The following ATR variants were observed in gnomAD, a reference collection of about 807,000 sequenced individuals.
ATR encodes the protein ATR checkpoint kinase, also known as serine/threonine-protein kinase ATR.
ATR carries 142 observed loss-of-function variants against 305.3 expected under a neutral mutation model. That is an observed-to-expected ratio of 0.47 (90% CI 0.41 to 0.53). ATR has a LOEUF of 0.53. Ranked by LOEUF, ATR falls within the 20% of genes least tolerant of loss-of-function variation. ATR has a pLI of 0.00. For missense variants in ATR, 2,135 were observed against 3,133.1 expected (o/e 0.68, Z 7.60); for synonymous variants, 1,050 against 1,068.1 (o/e 0.98, Z 0.33).
chr3:142,541,148 T>A, intron 17 of ATR, 114 bp from the exon 18 acceptor site: 1 of 1,327,486 alleles, frequency 7.5e-7, no homozygotes, highest in Non-Finnish European at 1.1e-6. Context: ...TATTCTCAGA[T>A]AATACAAAAG....
rs2108485383 is a variant in ATR, at chr3:142,561,397, C to A, written c.1195G>T (p.Ala399Ser). 6.2e-7 allele frequency: 1 copy of A among 1,613,994 alleles called. No homozygotes were observed. The highest frequency in any genetic ancestry group is 2.2e-5 in the East Asian group (1 of 44,870). Residue 399 changes from alanine (A) to serine (S), a missense_variant, in exon 5 of 47, where the codon GCT (alanine) becomes TCT (serine). By Grantham distance (99) the Ala-to-Ser change is moderately conservative. Coordinates refer to ENST00000350721, the MANE Select transcript of ATR (RefSeq NM_001184.4). ...ATTTCCATACTTTCCATTTTCAAAG[C>A]TGCATAAAGTGGGCCCAACAAGTAC... ...AEYLLGPLYAALKMESMEIIE... is the reference protein window; with the variant it reads ...AEYLLGPLYASLKMESMEIIE...
chr3:142,478,561 A>T (rs1454083143), intron 36 of ATR, among the ~76,000 whole-genome samples: 1 of 152,180 alleles, frequency 6.6e-6, no homozygotes, highest in Non-Finnish European at 1.5e-5. Flanking sequence ...AAGAATGTAT[A>T]TTCTGTTGAT....
At chr3:142,549,782 C>G in intron 14 of ATR, 109 bp from the exon 15 acceptor site, 2 of 950,854 alleles carry the variant, frequency 2.1e-6, no homozygotes, top group Non-Finnish European at 3.2e-6. Context: ...ATTTGGAGTC[C>G]ACTCCATACT....
In ATR at chr3:142,453,164, C is replaced by T. The variant is rs587783340; in HGVS notation, c.7725G>A (p.Ala2575=). The T allele has an allele frequency of 1.9e-5, 31 of 1,613,924 alleles. No individual in the cohort carries two copies. The highest frequency in any genetic ancestry group is 3.3e-4 in the Middle Eastern group (2 of 6,082). The stretch of plus-strand genomic sequence containing the variant: ...CAACTTCTCCAGTTTCATTCAGTGG[C>T]GCTTTGGAATGCCCTTTCACTGGTT... The part of the protein sequence containing the change: ...WSKPVKGHSK[A]PLNETGEVVN... The change falls in exon 46 of 47, where the codon GCG becomes GCA. Residue 2575 remains alanine, a synonymous_variant. Transcript: ENST00000350721.
intron 29 of ATR, among the ~76,000 whole-genome samples, chr3:142,504,040 A>G (rs758601854): frequency 2.6e-4 from 39 of 152,240 alleles, no homozygotes; most frequent in Non-Finnish European, 4.7e-4. Flanking sequence ...AATGAAAAGA[A>G]GATTGTGAAA....
At chr3:142,483,812 G>A (rs901620574) in intron 36 of ATR, among the ~76,000 whole-genome samples, 5 of 151,540 alleles carry the variant, frequency 3.3e-5, no homozygotes, top group East Asian at 1.9e-4. Flanking sequence ...CAGCCTGGGC[G>A]ACAGAGCAAG....
At chr3:142,486,347 G>C (rs2030923215) in intron 35 of ATR, among the ~76,000 whole-genome samples, 1 of 152,092 alleles carries the variant, frequency 6.6e-6, no homozygotes, top group Admixed American at 6.6e-5. Context: ...GCACATGCTA[G>C]GTTCATGTAC....
intron 38 of ATR, 120 bp downstream of exon 38, chr3:142,469,217 T>C: frequency 2.9e-6 from 2 of 689,566 alleles, no homozygotes; most frequent in East Asian, 5.7e-5. Flanking sequence ...TATTTAAAAT[T>C]ACTAATCTAA....
At chr3:142,526,432 G>A (rs915310917) in intron 21 of ATR, among the ~76,000 whole-genome samples, 2 of 151,668 alleles carry the variant, frequency 1.3e-5, no homozygotes, top group South Asian at 2.1e-4. Flanking sequence ...CCAAGTGAAC[G>A]CTAAATAGTG....
At chr3:142,483,967 G>T (rs1341189675) in intron 36 of ATR, among the ~76,000 whole-genome samples, 1 of 152,088 alleles carries the variant, frequency 6.6e-6, no homozygotes, top group African/African-American at 2.4e-5. Context: ...GAATGAGAAG[G>T]ATACTTAATT....
intron 46 of ATR, chr3:142,451,169 A>G (rs2108245902): frequency 8.3e-7 from 1 of 1,205,560 alleles, no homozygotes; most frequent in Non-Finnish European, 1.0e-6. Flanking sequence ...GGAATCTTCC[A>G]AAGAAAACTT....
At chr3:142,451,261 G>T (rs2070783877) in intron 46 of ATR, 9 of 1,206,402 alleles carry the variant, frequency 7.5e-6, no homozygotes, top group Non-Finnish European at 8.4e-6. Flanking sequence ...TGTGGGACTG[G>T]CTAGCTGAGA....
At chr3:142,509,416 G>T (rs1228312934) in intron 27 of ATR, among the ~76,000 whole-genome samples, 1 of 151,824 alleles carries the variant, frequency 6.6e-6, no homozygotes. Context: ...CTCCTGCCTC[G>T]GCCTCCCAAA....
At chr3:142,508,855 C>T (rs139948640) in intron 27 of ATR, among the ~76,000 whole-genome samples, 2,674 of 143,588 alleles carry the variant, frequency 0.019, 28 homozygotes, top group South Asian at 0.042. Context: ...ACCTGGGAGG[C>T]GGAGCTTGCA....
At chr3:142,530,959 C>G (rs2033615629) in intron 21 of ATR, among the ~76,000 whole-genome samples, 1 of 152,048 alleles carries the variant, frequency 6.6e-6, no homozygotes, top group South Asian at 2.1e-4. Flanking sequence ...ATTCTTAGTT[C>G]CTATTCTTCA....
At chr3:142,466,630 C>T in intron 39 of ATR, 97 bp from the exon 40 acceptor site, 1 of 1,176,292 alleles carries the variant, frequency 8.5e-7, no homozygotes, top group South Asian at 1.4e-5. Flanking sequence ...AAAGGTTCAG[C>T]AGTCTGTGGT....
At chr3:142,578,315 G>A (rs1047302026) in intron 1 of ATR, among the ~76,000 whole-genome samples, 6 of 152,206 alleles carry the variant, frequency 3.9e-5, no homozygotes, top group African/African-American at 1.4e-4. Flanking sequence ...GAAAATGAGT[G>A]TAGAAAAGTG....
intron 35 of ATR, 113 bp from the exon 36 acceptor site, chr3:142,485,395 C>T (rs2030850847): frequency 1.5e-6 from 2 of 1,303,446 alleles, no homozygotes; most frequent in East Asian, 2.5e-5. Context: ...CTAGGCAGAG[C>T]AAAGTCAAAA....
intron 30 of ATR, among the ~76,000 whole-genome samples, chr3:142,502,255 T>A (rs2032006568): frequency 6.6e-6 from 1 of 152,176 alleles, no homozygotes; most frequent in Admixed American, 6.5e-5. Context: ...ACCAAAAAGA[T>A]ACATACACTC....
Sources: allele counts gnomAD v4.1 joint callset (sites outside exome capture counted in the v4.1 genomes callset), GRCh38; gene constraint gnomAD v4.1.1; transcripts MANE v1.5; gene names NCBI Gene and HGNC (gene_info 2026-07-23, HGNC 2026-07-21).